Variants in PPP1R9A observed in about 807,000 individuals in gnomAD.
PPP1R9A encodes protein phosphatase 1 regulatory subunit 9A, also known as neurabin-1.
Under a neutral mutation model 141.9 loss-of-function variants are expected in PPP1R9A, and 59 were observed. That is an observed-to-expected ratio of 0.42 (90% confidence interval 0.34 to 0.52). The LOEUF is 0.52. Ranked by LOEUF, PPP1R9A falls within the 20% of genes least tolerant of loss-of-function variation. The probability of loss-of-function intolerance (pLI) is 0.10; values close to 1 mark genes in which losing one functional copy is unlikely to be tolerated. For missense variants in PPP1R9A, 1,444 were observed against 1,611.9 expected (o/e 0.90, Z 1.78); for synonymous variants, 500 against 569.7 (o/e 0.88, Z 1.74).
At chr7:94,964,270 C>T (rs1797963211) in intron 2 of PPP1R9A, among the ~76,000 whole-genome samples, 1 of 152,012 alleles carries the variant, frequency 6.6e-6, no homozygotes, top group Non-Finnish European at 1.5e-5. Flanking sequence ...GAAATTTTTG[C>T]AGGGACATAG....
intron 4 of PPP1R9A, among the ~76,000 whole-genome samples, chr7:95,137,210 A>G (rs1483375256): frequency 6.6e-6 from 1 of 150,782 alleles, no homozygotes; most frequent in African/African-American, 2.4e-5. Flanking sequence ...CATTAGGTAT[A>G]TCTCCTAATG....
intron 8 of PPP1R9A, among the ~76,000 whole-genome samples, chr7:95,241,755 C>A (rs1459718259): frequency 6.6e-6 from 1 of 152,012 alleles, no homozygotes; most frequent in African/African-American, 2.4e-5. Context: ...GAAAAAGAAT[C>A]TAGAAAAGTT....
intron 2 of PPP1R9A, among the ~76,000 whole-genome samples, chr7:94,959,640 A>G (rs548899252): frequency 6.6e-6 from 1 of 151,844 alleles, no homozygotes; most frequent in East Asian, 1.9e-4. Context: ...AAATATGTCA[A>G]TACTATGTTT....
intron 2 of PPP1R9A, among the ~76,000 whole-genome samples, chr7:94,979,967 C>T (rs2151310873): frequency 6.6e-6 from 1 of 151,950 alleles, no homozygotes; most frequent in Non-Finnish European, 1.5e-5. Flanking sequence ...AATATTAAGT[C>T]AGAAAATTCA....
At chr7:95,289,945 G>A in intron 19 of PPP1R9A, 146 bp from the exon 20 acceptor site, 1 of 1,372,132 alleles carries the variant, frequency 7.3e-7, no homozygotes, top group Non-Finnish European at 9.7e-7. Flanking sequence ...CAGTGTGTTG[G>A]TTTTTAGCAA....
chr7:95,112,069 A>G (rs1409226706), intron 3 of PPP1R9A, among the ~76,000 whole-genome samples: 2 of 152,088 alleles, frequency 1.3e-5, no homozygotes, highest in African/African-American at 4.8e-5. Flanking sequence ...CAAACAGATG[A>G]TGACTTGAAT....
chr7:95,253,245 AAC>A (rs1436472617), intron 12 of PPP1R9A, among the ~76,000 whole-genome samples: 8 of 152,316 alleles, frequency 5.3e-5, no homozygotes, highest in African/African-American at 1.9e-4. Flanking sequence ...ACTCAGAGGC[AAC>A]ACTTTGACGT....
chr7:94,953,081 A>G (rs1796659117), intron 2 of PPP1R9A, among the ~76,000 whole-genome samples: 2 of 152,026 alleles, frequency 1.3e-5, no homozygotes, highest in East Asian at 1.9e-4. Context: ...TAGGGTTTTT[A>G]TGGGTTTAGG....
chr7:94,963,055 T>C (rs1451470778), intron 2 of PPP1R9A, among the ~76,000 whole-genome samples: 1 of 152,122 alleles, frequency 6.6e-6, no homozygotes, highest in Non-Finnish European at 1.5e-5. Context: ...CAAAAAAATC[T>C]AGTTATTCAA....
At chr7:94,953,445 C>G (rs1197337540) in intron 2 of PPP1R9A, among the ~76,000 whole-genome samples, 1 of 152,098 alleles carries the variant, frequency 6.6e-6, no homozygotes, top group Non-Finnish European at 1.5e-5. Flanking sequence ...TATATGGGCT[C>G]TTTTTTGCTT....
At chr7:95,071,121 T>C (rs11977724) in intron 2 of PPP1R9A, among the ~76,000 whole-genome samples, 2,059 of 152,098 alleles carry the variant, frequency 0.014, 50 homozygotes, top group African/African-American at 0.048. Context: ...AACTAAGTCA[T>C]CATACTTAGA....
intron 2 of PPP1R9A, among the ~76,000 whole-genome samples, chr7:95,017,468 A>G (rs1030260806): frequency 2.6e-5 from 4 of 152,164 alleles, no homozygotes; most frequent in South Asian, 4.1e-4. Flanking sequence ...TGGAAAATGA[A>G]TTTTAAAAGA....
intron 4 of PPP1R9A, among the ~76,000 whole-genome samples, chr7:95,123,637 A>C (rs141256336): frequency 6.6e-6 from 1 of 152,214 alleles, no homozygotes; most frequent in African/African-American, 2.4e-5. Flanking sequence ...GGACAGAATG[A>C]GACTCAGTCT....
At chr7:95,013,733 G>T (rs866750250) in intron 2 of PPP1R9A, among the ~76,000 whole-genome samples, 1 of 152,060 alleles carries the variant, frequency 6.6e-6, no homozygotes. Context: ...AGTGCAAAAA[G>T]AAATTTTTCA....
At chr7:95,230,553 G>A (rs1487862728) in intron 8 of PPP1R9A, among the ~76,000 whole-genome samples, 1 of 151,916 alleles carries the variant, frequency 6.6e-6, no homozygotes. Context: ...ACAAGCAGAA[G>A]AAAGAACTTG....
chr7:95,248,023 T>G (rs1255030017), intron 9 of PPP1R9A, among the ~76,000 whole-genome samples: 2 of 151,446 alleles, frequency 1.3e-5, no homozygotes, highest in African/African-American at 4.9e-5. Context: ...AATTTTTAGT[T>G]GTTTGGTTCA....
chr7:95,170,399 A>G (rs1831928565), intron 5 of PPP1R9A, among the ~76,000 whole-genome samples: 1 of 151,624 alleles, frequency 6.6e-6, no homozygotes, highest in South Asian at 2.1e-4. Flanking sequence ...AAGAAATCCC[A>G]AATAGAAGGA....
At chr7:95,227,236 C>T (rs756700508) in intron 8 of PPP1R9A, among the ~76,000 whole-genome samples, 23 of 152,106 alleles carry the variant, frequency 1.5e-4, no homozygotes, top group Non-Finnish European at 3.1e-4. Flanking sequence ...ATATTGAAGG[C>T]AGTGAGATCA....
At position 94,911,482 on chromosome 7, in the gene PPP1R9A, A is replaced by G; in HGVS notation, c.1369A>G (p.Ile457Val). 1 of 1,612,366 alleles carries G rather than the reference A, an allele frequency of 6.2e-7. No homozygotes were observed. The highest frequency in any genetic ancestry group is 8.5e-7 in the Non-Finnish European group (1 of 1,178,826). ...EEEEIPANRK[I>V]KFSSAPIKVF... ...AGAAGAAATCCCAGCAAATAGGAAAATTAAGTTTAGTAGTGCTCCTATTAA... is the reference window on the plus strand; with the variant it reads ...AGAAGAAATCCCAGCAAATAGGAAAGTTAAGTTTAGTAGTGCTCCTATTAA... The change falls in exon 2 of 20, where the codon ATT (isoleucine) becomes GTT (valine). Residue 457 changes from isoleucine to valine, a missense_variant. Transcript: ENST00000433360.
Sources: gnomAD v4.1 joint callset for allele counts (sites outside exome capture counted in the v4.1 genomes callset) on GRCh38, gnomAD v4.1.1 for gene constraint, MANE v1.5 for transcripts, NCBI Gene and HGNC (gene_info 2026-07-23, HGNC 2026-07-21) for gene names.